Variants in CFAP47 observed in about 807,000 individuals in gnomAD.
CFAP47 encodes cilia- and flagella-associated protein 47.
A neutral mutation model predicts 148.1 loss-of-function variants in CFAP47; 29 were observed. The ratio of observed to expected loss-of-function variants is 0.20; its 90% CI spans 0.15 to 0.27. The LOEUF is 0.27. Ranked by LOEUF, CFAP47 falls within the 10% of genes least tolerant of loss-of-function variation. CFAP47 has a pLI of 1.00. For missense variants in CFAP47, 1,872 were observed against 1,697.5 expected, an observed-to-expected ratio of 1.10 and a Z score of -1.81; for synonymous variants, 664 against 577.3, an observed-to-expected ratio of 1.15 and a Z score of -2.15.
chrX:36,367,887 T>C (rs887526863), intron 62 of CFAP47: 6 of 111,755 alleles, frequency 5.4e-5, no homozygotes, highest in African/African-American at 1.9e-4. Context: ...ACACTATACT[T>C]ATCTGAAGTT....
At chrX:36,000,648 C>A (rs1475735136) in intron 20 of CFAP47, among the ~76,000 whole-genome samples, 1 of 111,026 alleles carries the variant, frequency 9.0e-6, no homozygotes, top group Non-Finnish European at 1.9e-5. Context: ...GAAACGTAAC[C>A]GTTCTTATTA....
At chrX:36,250,983 A>G (rs1203829740) in intron 48 of CFAP47, among the ~76,000 whole-genome samples, 2 of 111,383 alleles carry the variant, frequency 1.8e-5, no homozygotes, top group Non-Finnish European at 3.8e-5. Context: ...TCTCTTTTGT[A>G]TATCAAACTG....
chrX:36,053,844 G>A (rs1389320338), intron 26 of CFAP47, among the ~76,000 whole-genome samples: 2 of 112,330 alleles, frequency 1.8e-5, no homozygotes, highest in African/African-American at 6.5e-5. Flanking sequence ...TGCAAAAGCT[G>A]AGAAACTGTC....
Position 35,995,584 on chromosome X carries a change from G to A in CFAP47, c.3100-1728G>A, listed in dbSNP as rs1370016267. Among the ~76,000 whole-genome samples the A allele has an allele frequency of 3.6e-5, 4 of 111,320 alleles. No individual in the cohort carries two copies. The Admixed American group carries it at 3.8e-4, about 11-fold the overall frequency. On this transcript the variant is annotated intron_variant, in intron 18 of 63. Coordinates refer to ENST00000378653, the MANE Select transcript of CFAP47 (RefSeq NM_001304548.2). ...GGGTATGTCAAGAGTGAGGCAGATG[G>A]TGGCAACATTTAGAGAGAAAGAGAT...
At chrX:35,945,871 C>CTT (rs34966421) in intron 3 of CFAP47, among the ~76,000 whole-genome samples, 932 of 87,626 alleles carry the variant, frequency 0.011, 28 homozygotes, top group African/African-American at 0.032. Context: ...TTCTCCTTCT[C>CTT]TTTTTTTTTT....
At chrX:36,087,287 T>C (rs1449380156) in intron 30 of CFAP47, among the ~76,000 whole-genome samples, 1 of 112,268 alleles carries the variant, frequency 8.9e-6, no homozygotes, top group Non-Finnish European at 1.9e-5. Flanking sequence ...TATTTGACAA[T>C]GAGTCTACCT....
intron 36 of CFAP47, among the ~76,000 whole-genome samples, chrX:36,145,858 G>C (rs1249503665): frequency 2.2e-4 from 23 of 105,309 alleles, no homozygotes; most frequent in African/African-American, 8.0e-4. Flanking sequence ...CAGTTGATAA[G>C]GATTTAGTTA....
chrX:36,176,265 G>A (rs183930690), intron 39 of CFAP47, among the ~76,000 whole-genome samples: 11 of 112,120 alleles, frequency 9.8e-5, no homozygotes, highest in East Asian at 2.8e-4. Context: ...CATCTTCTGC[G>A]TCACTCACGC....
chrX:35,921,515 T>A (rs1935577092), intron 1 of CFAP47, among the ~76,000 whole-genome samples: 1 of 112,073 alleles, frequency 8.9e-6, no homozygotes, highest in African/African-American at 3.2e-5. Flanking sequence ...ACAACCACTA[T>A]TTTATGGATG....
chrX:36,359,316 G>A (rs1277347372), intron 60 of CFAP47, among the ~76,000 whole-genome samples: 1 of 111,309 alleles, frequency 9.0e-6, no homozygotes, highest in Admixed American at 9.6e-5. Context: ...GAGGTGCTTT[G>A]AGAAGGCAAG....
chrX:36,174,796 G>A (rs1281931380), intron 39 of CFAP47, among the ~76,000 whole-genome samples: 5 of 109,696 alleles, frequency 4.6e-5, no homozygotes, highest in African/African-American at 6.7e-5. Context: ...TGCTCTTCTC[G>A]AGCAGTATCT....
intron 7 of CFAP47, 21 bp from the exon 8 acceptor site, chrX:35,955,940 C>T (rs1936238797): frequency 8.3e-7 from 1 of 1,203,239 alleles, no homozygotes; most frequent in African/African-American, 1.8e-5. Flanking sequence ...TTATGTTCAA[C>T]AGCTATTATT....
At chrX:36,099,449 G>C (rs1346430136) in intron 31 of CFAP47, among the ~76,000 whole-genome samples, 1 of 107,314 alleles carries the variant, frequency 9.3e-6, no homozygotes, top group Non-Finnish European at 1.9e-5. Context: ...AGGTCCTGTT[G>C]CCTTATCCAA....
Position 35,963,647 on chromosome X carries a change from A to G in CFAP47, c.1411-2918A>G, listed in dbSNP as rs181058927. 6.2e-3 allele frequency among the ~76,000 whole-genome samples: 682 copies of G among 110,802 alleles called. 8 individuals carry two copies. The highest frequency in any genetic ancestry group is 0.02 in the African/African-American group (621 of 30,689). On this transcript the variant is annotated intron_variant, in intron 8 of 63. Coordinates refer to ENST00000378653, the MANE Select transcript of CFAP47 (RefSeq NM_001304548.2). ...TAATTACATATCCTCCTAATTTTCT[A>G]TTATTTCATTATTGCTTTATTTTGT...
intron 59 of CFAP47, among the ~76,000 whole-genome samples, 156 bp downstream of exon 59, chrX:36,350,288 T>C (rs1365872008): frequency 8.9e-6 from 1 of 111,908 alleles, no homozygotes; most frequent in African/African-American, 3.2e-5. Flanking sequence ...TCTCCCAATG[T>C]GTCCAATGAG....
At chrX:36,171,558 C>A (rs1481274565) in intron 39 of CFAP47, among the ~76,000 whole-genome samples, 1 of 109,276 alleles carries the variant, frequency 9.2e-6, no homozygotes, top group Non-Finnish European at 1.9e-5. Context: ...ATAAGGAATC[C>A]TTTCCCCATT....
chrX:36,124,031 T>A (rs1938794527), intron 33 of CFAP47, among the ~76,000 whole-genome samples: 1 of 111,502 alleles, frequency 9.0e-6, no homozygotes, highest in African/African-American at 3.3e-5. Context: ...AGGACCTTCC[T>A]TTCATGGCAG....
intron 36 of CFAP47, 53 bp downstream of exon 36, chrX:36,145,406 G>T (rs917335730): frequency 6.9e-6 from 2 of 289,564 alleles, no homozygotes; most frequent in African/African-American, 2.8e-5. Context: ...ATTAAGAGAG[G>T]TTTTAGATAT....
At chrX:36,160,539 A>G (rs929479551) in intron 38 of CFAP47, 142 bp from the exon 39 acceptor site, 4 of 260,079 alleles carry the variant, frequency 1.5e-5, no homozygotes, top group Non-Finnish European at 2.0e-5. Context: ...GTTTTTCTCC[A>G]TGGAATTTCT....
Sources: gnomAD v4.1 joint callset for allele counts (sites outside exome capture counted in the v4.1 genomes callset) on GRCh38, gnomAD v4.1.1 for gene constraint, MANE v1.5 for transcripts, NCBI Gene and HGNC (gene_info 2026-07-23, HGNC 2026-07-21) for gene names.